SLFN12: variants seen among roughly 807,000 people sequenced by gnomAD.
SLFN12 encodes ribonuclease SLFN12.
A neutral mutation model predicts 29.1 loss-of-function variants in SLFN12; 25 were observed. The ratio of observed to expected loss-of-function variants is 0.86; its 90% CI spans 0.63 to 1.20. The LOEUF (loss-of-function observed/expected upper bound fraction) is 1.20. Among genes scored for constraint, SLFN12 ranks in the 50% most tolerant of loss-of-function variants. The pLI, the probability that SLFN12 is intolerant of heterozygous loss-of-function variation, is 0.00. For synonymous variants in SLFN12, 257 were observed against 238.7 expected (o/e 1.08, Z -0.71); for missense variants, 660 against 666.2 (o/e 0.99, Z 0.10).
chr17:35,429,317 C>T (rs1219534346), intron 1 of SLFN12, among the ~76,000 whole-genome samples: 2 of 152,060 alleles, frequency 1.3e-5, no homozygotes, highest in African/African-American at 4.8e-5. Flanking sequence ...AGCCTGGGAT[C>T]CCGGTCACCC....
rs1480654526 is a variant in SLFN12 at position 35,411,797 on chromosome 17, C to A, written c.1278G>T (p.Arg426Ser). Residue 426 changes from arginine (R) to serine (S), a missense_variant, in exon 4 of 4, where the codon AGG becomes AGT. Coordinates refer to ENST00000304905, the MANE Select transcript of SLFN12 (RefSeq NM_018042.5). ...GCAAGCCCAGATCCACAGACCAGCT[C>A]CTAGAGAAGATCAGTGAGCCCTTTC... is the stretch of plus-strand genomic sequence containing the variant. ...SVRKGSLIFS[R>S]SWSVDLGLQE... 1.2e-6 allele frequency: 2 copies of A among 1,614,004 alleles called. No individual in the cohort carries two copies. The highest frequency in any genetic ancestry group is 2.2e-5 in the East Asian group (1 of 44,872).
intron 1 of SLFN12, among the ~76,000 whole-genome samples, chr17:35,423,400 A>G (rs1911821661): frequency 6.6e-6 from 1 of 151,760 alleles, no homozygotes; most frequent in Non-Finnish European, 1.5e-5. Flanking sequence ...CTATGTTTTT[A>G]TCTTCTCAGT....
In SLFN12 at chr17:35,425,955, CTTTTTATCTCTTGTCT is replaced by C. The variant is rs1414591792; in HGVS notation, c.-40-2903_-40-2888del. Among the ~76,000 whole-genome samples, 4 of 141,370 alleles carry C rather than the reference CTTTTTATCTCTTGTCT, an allele frequency of 2.8e-5. No individual in the cohort carries two copies. In the South Asian group the frequency reaches 7.3e-4, roughly 26 times the overall value. 92.7% of individuals were successfully genotyped at this position (141,370 alleles called of 152,430 possible). On this transcript the variant is annotated intron_variant, in intron 1 of 3. Transcript: ENST00000304905. ...TGGTTCTCTTTTCTCTACACCATCT[CTTTTTATCTCTTGTCT>C]TTTTTATAATAGCCATTTTAACATG...
intron 3 of SLFN12, 84 bp from the exon 4 acceptor site, chr17:35,412,011 A>C: frequency 9.8e-7 from 1 of 1,017,264 alleles, no homozygotes. Flanking sequence ...GTAAAAAACC[A>C]ATCTTCCCAT....
intron 2 of SLFN12, chr17:35,420,916 TAGAA>T (rs1225445190): frequency 1.1e-4 from 16 of 152,122 alleles, no homozygotes; most frequent in African/African-American, 3.9e-4. Flanking sequence ...AGGAAATAAA[TAGAA>T]AGGGACGCCA....
intron 2 of SLFN12, among the ~76,000 whole-genome samples, chr17:35,421,410 G>A (rs1034505588): frequency 5.3e-5 from 8 of 151,600 alleles, no homozygotes; most frequent in African/African-American, 1.9e-4. Flanking sequence ...ACGTGGTAGG[G>A]AAGAAACTTC....
intron 3 of SLFN12, among the ~76,000 whole-genome samples, chr17:35,414,789 C>T (rs185543754): frequency 2.6e-5 from 4 of 152,112 alleles, no homozygotes; most frequent in Non-Finnish European, 5.9e-5. Context: ...AAATAAAATA[C>T]TTAGCAATAT....
intron 3 of SLFN12, among the ~76,000 whole-genome samples, chr17:35,417,691 C>T (rs1282452472): frequency 6.6e-6 from 1 of 152,122 alleles, no homozygotes; most frequent in East Asian, 1.9e-4. Context: ...AAAGACAAAA[C>T]ATTTTATGAT....
Position 35,411,806 on chromosome 17 carries a change from G to A in SLFN12, c.1269C>T (p.Ile423=), listed in dbSNP as rs967358164. ...GATCCACAGACCAGCTCCTAGAGAAGATCAGTGAGCCCTTTCTGACAGAGT... is the reference window on the plus strand; with the variant it reads ...GATCCACAGACCAGCTCCTAGAGAAAATCAGTGAGCCCTTTCTGACAGAGT... ...EMDSVRKGSL[I]FSRSWSVDLG... The change falls in exon 4 of 4, where the codon ATC becomes ATT. Residue 423 remains isoleucine (I), a synonymous_variant. Coordinates refer to ENST00000304905, the MANE Select transcript of SLFN12 (RefSeq NM_018042.5). 1.2e-6 allele frequency: 2 copies of A among 1,614,064 alleles called. No homozygotes were observed. Among genetic ancestry groups the A allele is most frequent in the African/African-American group, 1.3e-5 (1 of 75,040 alleles).
At position 35,422,653 on chromosome 17, in the gene SLFN12, A is replaced by C; in HGVS notation, c.376T>G (p.Leu126Val). The C allele has an allele frequency of 6.2e-7, 1 of 1,613,840 alleles. No homozygotes were observed. Residue 126 changes from leucine to valine, a missense_variant, in exon 2 of 4, where the codon TTG becomes GTG. Transcript: ENST00000304905. ...GLRITTLSSN[L>V]YKRDITSAKV... ...GCAGATGTTATATCTCTTTTGTACA[A>C]ATTGGAGCTCAAGGTGGTAATCCGC...
chr17:35,413,663 C>T (rs893325953), intron 3 of SLFN12, among the ~76,000 whole-genome samples: 7 of 151,070 alleles, frequency 4.6e-5, no homozygotes, highest in Admixed American at 2.6e-4. Context: ...GTAAGAGAAT[C>T]GCTTGAACCC....
chr17:35,422,244 C>T lies in SLFN12; in HGVS notation c.785G>A (p.Arg262Lys). The T allele has an allele frequency of 6.2e-7, 1 of 1,614,096 alleles. No homozygotes were observed. The highest frequency in any genetic ancestry group is 8.5e-7 in the Non-Finnish European group (1 of 1,179,986). The change falls in exon 2 of 4, where the codon AGA becomes AAA. Residue 262 changes from arginine (R) to lysine (K), a missense_variant. By Grantham distance (26) the Arg-to-Lys change is conservative (BLOSUM62 2). Coordinates refer to ENST00000304905, the MANE Select transcript of SLFN12 (RefSeq NM_018042.5). Reference sequence around the variant, plus strand: ...CTTCCTAATGGACTTTTCGATTTCTCTTTCTAAGTCATCGAGGTCACTCAT... The same window carrying T: ...CTTCCTAATGGACTTTTCGATTTCTTTTTCTAAGTCATCGAGGTCACTCAT... Reference protein sequence around the residue: ...AEMSDLDDLEREIEKSIRKMP... With the variant: ...AEMSDLDDLEKEIEKSIRKMP...
rs1272771571 is a variant in SLFN12 at position 35,422,257 on chromosome 17, C to T, written c.772G>A (p.Asp258Asn). Reference sequence around the variant, plus strand: ...TTTTCGATTTCTCTTTCTAAGTCATCGAGGTCACTCATCTCTGCTTTAAAG... The same window carrying T: ...TTTTCGATTTCTCTTTCTAAGTCATTGAGGTCACTCATCTCTGCTTTAAAG... ...IGFKAEMSDL[D>N]DLEREIEKSI... The change falls in exon 2 of 4, where the codon GAT becomes AAT. Residue 258 changes from aspartate (D) to asparagine (N), a missense_variant. Coordinates refer to ENST00000304905, the MANE Select transcript of SLFN12 (RefSeq NM_018042.5). 1 of 1,614,122 alleles carries T rather than the reference C, an allele frequency of 6.2e-7. No individual in the cohort carries two copies. Among genetic ancestry groups the T allele is most frequent in the East Asian group, 2.2e-5 (1 of 44,892 alleles).
rs559253786 is a variant in SLFN12 at position 35,430,296 on chromosome 17, A to G, written c.-41+1892T>C. On this transcript the variant is annotated intron_variant, in intron 1 of 3. Coordinates refer to ENST00000304905, the MANE Select transcript of SLFN12 (RefSeq NM_018042.5). ...TTCTAGGATCTATGTGTTTCCTTAA[A>G]GTCTTAGAATGAGCAACTCCATTTT... 2.6e-5 allele frequency among the ~76,000 whole-genome samples: 4 copies of G among 152,152 alleles called. No individual in the cohort carries two copies. In the East Asian group the frequency reaches 7.7e-4, roughly 29 times the overall value.
intron 2 of SLFN12, 46 bp downstream of exon 2, chr17:35,421,944 C>A (rs375512152): frequency 3.7e-5 from 58 of 1,582,240 alleles, no homozygotes; most frequent in Non-Finnish European, 4.6e-5. Flanking sequence ...AACCTCCCTG[C>A]CACCCAAGCC....
At chr17:35,426,306 C>A (rs1317941036) in intron 1 of SLFN12, among the ~76,000 whole-genome samples, 1 of 151,880 alleles carries the variant, frequency 6.6e-6, no homozygotes, top group Middle Eastern at 3.4e-3. Context: ...TGATGTAATC[C>A]CATTTGTCTA....
intron 3 of SLFN12, among the ~76,000 whole-genome samples, chr17:35,419,820 A>G (rs1911521957): frequency 6.6e-6 from 1 of 152,172 alleles, no homozygotes; most frequent in African/African-American, 2.4e-5. Context: ...AGACCGACTA[A>G]GAATGTTCAA....
At chr17:35,413,057 C>T (rs9896895) in intron 3 of SLFN12, among the ~76,000 whole-genome samples, 34,663 of 147,536 alleles carry the variant, frequency 0.23, 4,291 homozygotes, top group Middle Eastern at 0.3. Context: ...AAAGTCCGAA[C>T]TCAAACTCAA....
chr17:35,430,644 T>A (rs1912258503), intron 1 of SLFN12: 2 of 152,128 alleles, frequency 1.3e-5, no homozygotes. Context: ...CCAGGGAGCC[T>A]ATTATTATGA....
Sources: gnomAD v4.1 joint callset for allele counts (sites outside exome capture counted in the v4.1 genomes callset) on GRCh38, gnomAD v4.1.1 for gene constraint, MANE v1.5 for transcripts, NCBI Gene and HGNC (gene_info 2026-07-23, HGNC 2026-07-21) for gene names.